Variants in TAF5 observed in about 807,000 individuals in gnomAD.
TAF5 encodes TATA-box binding protein associated factor 5.
Under a neutral mutation model 80.9 loss-of-function variants are expected in TAF5, and 20 were observed. The observed-to-expected ratio is 0.25, with a 90% confidence interval of 0.17 to 0.36. The LOEUF is 0.36. Among genes scored for constraint, TAF5 ranks in the 10% least tolerant of loss-of-function variants. TAF5 has a pLI of 1.00. For synonymous variants in TAF5, 388 were observed against 406.4 expected (o/e 0.95, Z 0.55); for missense variants, 863 against 1,029.4 (o/e 0.84, Z 2.21).
chr10:103,388,179 C>T lies in TAF5; in HGVS notation c.2359C>T (p.Arg787Ter), dbSNP rs377507174. The change falls in exon 11 of 11, where the codon CGA (arginine) becomes TGA (stop). Residue 787 changes from arginine to a stop codon, truncating the protein, a stop_gained. Coordinates refer to ENST00000369839, the MANE Select transcript of TAF5 (RefSeq NM_006951.5). LOFTEE classifies it high-confidence loss of function. ...ACCAGTTGTACACCTTCATTTTACT[C>T]GAAGAAACCTGGTTCTAGCTGCAGG... Reference protein sequence around the residue: ...STPVVHLHFTRRNLVLAAGAY... With the variant: ...STPVVHLHFT 2.5e-6 allele frequency: 4 copies of T among 1,613,914 alleles called. No homozygotes were observed. The highest frequency in any genetic ancestry group is 3.4e-6 in the Non-Finnish European group (4 of 1,179,968).
Position 103,368,419 on chromosome 10 carries a change from A to G in TAF5, c.430A>G (p.Thr144Ala). The change falls in exon 1 of 11, where the codon ACC becomes GCC. Residue 144 changes from threonine (T) to alanine (A), a missense_variant. Physicochemically the swap from Thr to Ala is moderately conservative, Grantham distance 58 (BLOSUM62 0). Coordinates refer to ENST00000369839, the MANE Select transcript of TAF5 (RefSeq NM_006951.5). ...GGTGGACAGCGCCGGCGCTGAGGTGACCAGCGCGCTTCTCAGCCGGGTGAC... is the reference window on the plus strand; with the variant it reads ...GGTGGACAGCGCCGGCGCTGAGGTGGCCAGCGCGCTTCTCAGCCGGGTGAC... ...GEVDSAGAEV[T>A]SALLSRVTAS... The G allele has an allele frequency of 6.5e-7, 1 of 1,528,648 alleles. No homozygotes were observed. The highest frequency in any genetic ancestry group is 8.8e-7 in the Non-Finnish European group (1 of 1,141,954). The allele number at this position is 1,528,648 out of a possible 1,614,324, so 94.7% of individuals were successfully genotyped here. A position where few individuals can be genotyped will look rare whatever the true frequency, so the allele number is the denominator to read the frequency against.
chr10:103,374,072 A>AG lies in TAF5; in HGVS notation c.797+480dup, dbSNP rs1200093303. ...ATAGGCAGGTTTTTGGGCCATGTTG[A>AG]GGGTCTTTGTTTATCCTAAGAGCAG... is the stretch of plus-strand genomic sequence containing the variant. On this transcript the variant is annotated intron_variant, in intron 2 of 10. Coordinates refer to ENST00000369839, the MANE Select transcript of TAF5 (RefSeq NM_006951.5). The surrounding 1 kb of genome is among the most constrained non-coding windows in gnomAD (Gnocchi z 4.3). 1.3e-5 allele frequency among the ~76,000 whole-genome samples: 2 copies of AG among 152,056 alleles called. No individual in the cohort carries two copies. Among genetic ancestry groups the AG allele is most frequent in the African/African-American group, 2.4e-5 (1 of 41,406 alleles).
In TAF5 at chr10:103,368,543, G is replaced by T; in HGVS notation, c.554G>T (p.Gly185Val). 2 of 1,516,022 alleles carry T rather than the reference G, an allele frequency of 1.3e-6. No individual in the cohort carries two copies. The allele number at this position is 1,516,022 out of a possible 1,614,324, so 93.9% of individuals were successfully genotyped here. A position where few individuals can be genotyped will look rare whatever the true frequency, so the allele number is the denominator to read the frequency against. ...TCAGCCTCAGGTCCTGCGGCTCCGG[G>T]TAAAGGTGAGCCGTGGGGTCCCGGG... The part of the protein sequence containing the change: ...SGSASGPAAP[G>V]KVGSVAVEDQ... The change falls in exon 1 of 11, where the codon GGT becomes GTT. Residue 185 changes from glycine (G) to valine (V), a missense_variant. By Grantham distance (109) the Gly-to-Val change is moderately radical (BLOSUM62 -3). Transcript: ENST00000369839.
rs1476234477 is a variant in TAF5 at position 103,378,033 on chromosome 10, T to G, written c.798-202T>G. On this transcript the variant is annotated intron_variant, in intron 2 of 10. Transcript: ENST00000369839. This position sits in a 1 kb window ranked among gnomAD's most constrained non-coding sequence, Gnocchi z 4.1. ...TTTGTGATACATTTCATTAGAGAAT[T>G]ACATTTGTTCATTTTTAGAATAAAT... Among the ~76,000 whole-genome samples, 2 of 152,228 alleles carry G rather than the reference T, an allele frequency of 1.3e-5. No individual in the cohort carries two copies. The highest frequency in any genetic ancestry group is 2.9e-5 in the Non-Finnish European group (2 of 68,034).
In TAF5 at chr10:103,378,135, T is replaced by C; in HGVS notation, c.798-100T>C. On this transcript the variant is annotated intron_variant, in intron 2 of 10. Coordinates refer to ENST00000369839, the MANE Select transcript of TAF5 (RefSeq NM_006951.5). The surrounding 1 kb of genome is among the most constrained non-coding windows in gnomAD (Gnocchi z 4.1). ...CTTAGTTCAGGATTATTTAGACTAC[T>C]ACATTGAAAATATTCTGGGATGGTT... 3.0e-6 allele frequency: 3 copies of C among 997,540 alleles called. No homozygotes were observed. The highest frequency in any genetic ancestry group is 4.4e-6 in the Non-Finnish European group (3 of 676,976). 61.8% of individuals were successfully genotyped at this position (997,540 alleles called of 1,614,324 possible).
intron 7 of TAF5, among the ~76,000 whole-genome samples, chr10:103,383,906 GCA>G (rs2093389182): frequency 6.6e-6 from 1 of 151,568 alleles, no homozygotes; most frequent in African/African-American, 2.4e-5. Context: ...GAATCAAAAT[GCA>G]CAGTTTCAGG....
At chr10:103,373,326 A>G (rs2093363922) in intron 1 of TAF5, 32 bp from the exon 2 acceptor site, 1 of 1,593,828 alleles carries the variant, frequency 6.3e-7, no homozygotes, top group Non-Finnish European at 8.6e-7. Context: ...ATAATAGGTC[A>G]TTTTCTTAAA....
chr10:103,379,112 G>A (rs1213054679), intron 3 of TAF5, among the ~76,000 whole-genome samples: 1 of 152,170 alleles, frequency 6.6e-6, no homozygotes, highest in Non-Finnish European at 1.5e-5. Flanking sequence ...TCAGAGGAAG[G>A]CCTTCCAGGG....
At chr10:103,387,484 A>G in intron 9 of TAF5, 37 bp from the exon 10 acceptor site, 1 of 1,575,540 alleles carries the variant, frequency 6.3e-7, no homozygotes, top group Non-Finnish European at 8.6e-7. Context: ...TTATTTTCCT[A>G]GACATACTTT....
At position 103,379,729 on chromosome 10, in the gene TAF5, C is replaced by T. The variant is rs778832098; in HGVS notation, c.1235C>T (p.Ser412Phe). 7.5e-6 allele frequency: 12 copies of T among 1,599,414 alleles called. No homozygotes were observed. In the South Asian group the frequency reaches 1.4e-4, roughly 18 times the overall value. The change falls in exon 4 of 11, where the codon TCC becomes TTC. Residue 412 changes from serine (S) to phenylalanine (F), a missense_variant. By Grantham distance (155) the Ser-to-Phe change is radical (BLOSUM62 -2). Around this residue, in one of 3 missense-constraint regions of TAF5, gnomAD observed 128 missense variants for 232.2 expected, o/e 0.55. Transcript: ENST00000369839. ...AAGCCTAAAAAAGATAGTATTGGAT[C>T]CAAAAGCAAAAAACAAGATCCCAAT... ...KKKPKKDSIGSKSKKQDPNAP... is the reference protein window; with the variant it reads ...KKKPKKDSIGFKSKKQDPNAP...
chr10:103,371,225 A>G (rs942731572), intron 1 of TAF5, among the ~76,000 whole-genome samples: 1 of 150,376 alleles, frequency 6.6e-6, no homozygotes, highest in African/African-American at 2.4e-5. Flanking sequence ...CACGGGTGAC[A>G]GAGCAAAACT....
At position 103,381,839 on chromosome 10, in the gene TAF5, C is replaced by T; in HGVS notation, c.1532C>T (p.Ser511Leu). The T allele has an allele frequency of 6.2e-7, 1 of 1,614,190 alleles. No homozygotes were observed. Among genetic ancestry groups the T allele is most frequent in the Non-Finnish European group, 8.5e-7 (1 of 1,180,022 alleles). The part of the protein sequence containing the change: ...PKKLRSVKQA[S>L]DLSLIDKESD... ...AAGCTTCGTAGTGTCAAACAAGCAT[C>T]AGGTAACTGAGATGACCTTTTGGAA... The change falls in exon 6 of 11, where the codon TCA (serine) becomes TTA (leucine). Residue 511 changes from serine (S) to leucine (L), a missense_variant and splice_region_variant. Around this residue, in one of 3 missense-constraint regions of TAF5, gnomAD observed 368 missense variants for 461.7 expected, o/e 0.80. Coordinates refer to ENST00000369839, the MANE Select transcript of TAF5 (RefSeq NM_006951.5).
Position 103,373,723 on chromosome 10 carries a change from G to T in TAF5, c.797+128G>T, listed in dbSNP as rs998759997. 10 of 706,758 alleles carry T rather than the reference G, an allele frequency of 1.4e-5. No homozygotes were observed. The South Asian group carries it at 2.1e-4, about 15-fold the overall frequency. The allele number at this position is 706,758 out of a possible 1,614,324, so 43.8% of individuals were successfully genotyped here. A position where few individuals can be genotyped will look rare whatever the true frequency, so the allele number is the denominator to read the frequency against. On this transcript the variant is annotated intron_variant, in intron 2 of 10. Transcript: ENST00000369839. Reference sequence around the variant, plus strand: ...TTAAAAAGTACGTTGTGAAGGAGAGGTACCTGAGGCTATGAGAACTTAAAA... The same window carrying T: ...TTAAAAAGTACGTTGTGAAGGAGAGTTACCTGAGGCTATGAGAACTTAAAA...
chr10:103,385,123 G>A (rs2093392837), intron 7 of TAF5, among the ~76,000 whole-genome samples: 1 of 152,058 alleles, frequency 6.6e-6, no homozygotes, highest in South Asian at 2.1e-4. Flanking sequence ...AGAGTGTCAG[G>A]GTTAACATTA....
Position 103,387,614 on chromosome 10 carries a change from G to C in TAF5, c.2101G>C (p.Gly701Arg). 6.2e-7 allele frequency: 1 copy of C among 1,614,094 alleles called. No individual in the cohort carries two copies. Among genetic ancestry groups the C allele is most frequent in the Non-Finnish European group, 8.5e-7 (1 of 1,180,002 alleles). The change falls in exon 10 of 11, where the codon GGT (glycine) becomes CGT (arginine). Residue 701 changes from glycine to arginine, a missense_variant. Physicochemically the swap from Gly to Arg is moderately radical, Grantham distance 125 (BLOSUM62 -2). Coordinates refer to ENST00000369839, the MANE Select transcript of TAF5 (RefSeq NM_006951.5). Reference sequence around the variant, plus strand: ...AGTGCTTCTTTGGGATATTGGACATGGTTTGATGGTTGGAGAATTAAAAGG... The same window carrying C: ...AGTGCTTCTTTGGGATATTGGACATCGTTTGATGGTTGGAGAATTAAAAGG... ...GRVLLWDIGH[G>R]LMVGELKGHT... is the part of the protein sequence containing the mutation.
intron 1 of TAF5, among the ~76,000 whole-genome samples, chr10:103,371,889 A>G (rs774770239): frequency 4.9e-4 from 74 of 151,328 alleles, no homozygotes; most frequent in Non-Finnish European, 8.4e-4. Context: ...CTTTTATACA[A>G]TTTGTCTTTA....
intron 2 of TAF5, 21 bp downstream of exon 2, chr10:103,373,616 A>G: frequency 6.5e-7 from 1 of 1,532,672 alleles, no homozygotes; most frequent in Non-Finnish European, 9.0e-7. Context: ...TTTTACATAT[A>G]TATATATACA....
rs1331019587 is a variant in TAF5, at chr10:103,378,538, A to G, written c.1101A>G (p.Ala367=). Residue 367 remains alanine, a synonymous_variant, in exon 3 of 11, where the codon GCA becomes GCG. Coordinates refer to ENST00000369839, the MANE Select transcript of TAF5 (RefSeq NM_006951.5). The surrounding 1 kb of genome is among the most constrained non-coding windows in gnomAD (Gnocchi z 4.1). The part of the protein sequence containing the change: ...GSLAGEAKRE[A]NKSKVFFGLL... ...TGGCAGGAGAGGCTAAACGAGAGGC[A>G]AACAAATCAAAGGTATGGGAATGAA... 6.2e-7 allele frequency: 1 copy of G among 1,612,802 alleles called. No individual in the cohort carries two copies. Among genetic ancestry groups the G allele is most frequent in the Non-Finnish European group, 8.5e-7 (1 of 1,179,230 alleles).
chr10:103,386,350 GAA>G (rs1227643246), intron 8 of TAF5, among the ~76,000 whole-genome samples: 1 of 152,152 alleles, frequency 6.6e-6, no homozygotes, highest in African/African-American at 2.4e-5. Flanking sequence ...GGCTGAGGCA[GAA>G]TTGCTTGAAC....
Sources: allele counts gnomAD v4.1 joint callset (sites outside exome capture counted in the v4.1 genomes callset), GRCh38; gene constraint gnomAD v4.1.1; regional missense constraint gnomAD v4.1.1; non-coding constraint Gnocchi (gnomAD v3.1); transcripts MANE v1.5; gene names NCBI Gene and HGNC (gene_info 2026-07-23, HGNC 2026-07-21).